ZNF383: variants seen among roughly 807,000 people sequenced by gnomAD.
ZNF383 encodes the protein zinc finger protein 383.
A neutral mutation model predicts 44.2 loss-of-function variants in ZNF383; 32 were observed. That is an observed-to-expected ratio of 0.72 (90% CI 0.55 to 0.97). The LOEUF is 0.97. Ranked by LOEUF, ZNF383 falls within the 50% of genes least tolerant of loss-of-function variation. ZNF383 has a pLI of 0.00. For synonymous variants in ZNF383, 155 were observed against 186.2 expected (o/e 0.83, Z 1.36); for missense variants, 487 against 562.5 (o/e 0.87, Z 1.36).
At chr19:37,228,543 A>T (rs1973295875) in intron 2 of ZNF383, among the ~76,000 whole-genome samples, 1 of 151,952 alleles carries the variant, frequency 6.6e-6, no homozygotes, top group African/African-American at 2.4e-5. Context: ...TGCCGCCCAG[A>T]GTATGCAATA....
intron 2 of ZNF383, among the ~76,000 whole-genome samples, chr19:37,228,122 G>A (rs1455825193): frequency 6.6e-6 from 1 of 152,132 alleles, no homozygotes; most frequent in Non-Finnish European, 1.5e-5. Context: ...GTTAAGTAAC[G>A]GGTGCCTTCC....
chr19:37,242,880 G>A lies in ZNF383; in HGVS notation c.644G>A (p.Arg215Gln), dbSNP rs751517031. ...TTTAGTTGTGGTTCACATGTTACTC[G>A]GCATCTGAAAATTCATACTGGCGAA... ...KFFSCGSHVT[R>Q]HLKIHTGEKP... is the part of the protein sequence containing the mutation. Residue 215 changes from arginine to glutamine, a missense_variant, in exon 6 of 6, where the codon CGG becomes CAG. By Grantham distance (43) the Arg-to-Gln change is conservative. Transcript: ENST00000684119. 7 of 1,613,738 alleles carry A rather than the reference G, an allele frequency of 4.3e-6. No individual in the cohort carries two copies. In the South Asian group the frequency reaches 4.4e-5, roughly 10 times the overall value.
chr19:37,221,461 T>C (rs928934395), intron 1 of ZNF383, among the ~76,000 whole-genome samples: 1 of 152,028 alleles, frequency 6.6e-6, no homozygotes, highest in Admixed American at 6.6e-5. Context: ...ATGCTGCTAT[T>C]GTCCCAGGTA....
chr19:37,234,450 G>A (rs1280632807), intron 3 of ZNF383, among the ~76,000 whole-genome samples: 4 of 151,998 alleles, frequency 2.6e-5, no homozygotes, highest in Admixed American at 1.3e-4. Context: ...GTGCAGTGGC[G>A]CGATCTCGGC....
chr19:37,242,652 G>A lies in ZNF383; in HGVS notation c.416G>A (p.Ser139Asn). The change falls in exon 6 of 6, where the codon AGT becomes AAT. Residue 139 changes from serine to asparagine, a missense_variant. Transcript: ENST00000684119. ...KQLGYPNGHF[S>N]QEIFTPEYMP... The stretch of plus-strand genomic sequence containing the variant: ...CTGGGATATCCAAATGGGCATTTTA[G>A]TCAAGAAATATTCACTCCTGAATAC... 1 of 1,614,068 alleles carries A rather than the reference G, an allele frequency of 6.2e-7. No homozygotes were observed. The highest frequency in any genetic ancestry group is 8.5e-7 in the Non-Finnish European group (1 of 1,179,986).
In ZNF383 at chr19:37,242,983, C is replaced by A; in HGVS notation, c.747C>A (p.Thr249=). 13 of 1,613,604 alleles carry A rather than the reference C, an allele frequency of 8.1e-6. No individual in the cohort carries two copies. Among genetic ancestry groups the A allele is most frequent in the African/African-American group, 2.7e-5 (2 of 74,894 alleles). The stretch of plus-strand genomic sequence containing the variant: ...TTTCTCAACATCAGAGAATCCATAC[C>A]GGTAAGAAACCCTATGAATGTAAGG... ...SYLSQHQRIH[T]GKKPYECKEC... is the part of the protein sequence containing the mutation. Residue 249 remains threonine (T), a synonymous_variant, in exon 6 of 6, where the codon ACC becomes ACA. Coordinates refer to ENST00000684119, the MANE Select transcript of ZNF383 (RefSeq NM_001387601.1).
At chr19:37,221,277 T>G (rs958095586) in intron 1 of ZNF383, among the ~76,000 whole-genome samples, 1 of 152,200 alleles carries the variant, frequency 6.6e-6, no homozygotes, top group African/African-American at 2.4e-5. Flanking sequence ...TCATGTTGTT[T>G]TAAAAGTATA....
intron 2 of ZNF383, among the ~76,000 whole-genome samples, chr19:37,227,043 G>C (rs993548055): frequency 2.7e-5 from 4 of 150,680 alleles, no homozygotes; most frequent in African/African-American, 9.8e-5. Context: ...TGTTGACCTC[G>C]TGATCTGCCC....
chr19:37,226,878 G>A (rs1213130353), intron 2 of ZNF383, among the ~76,000 whole-genome samples: 2 of 152,038 alleles, frequency 1.3e-5, no homozygotes, highest in East Asian at 3.8e-4. Flanking sequence ...GAATGCAGTG[G>A]TACGATCTCA....
At chr19:37,235,750 G>A in intron 4 of ZNF383, 75 bp downstream of exon 4, 1 of 1,481,466 alleles carries the variant, frequency 6.8e-7, no homozygotes, top group Non-Finnish European at 9.1e-7. Context: ...TTTCTCAGCT[G>A]CTTTTCAGGT....
Position 37,247,732 on chromosome 19 carries a change from A to G in ZNF383, c.*4068A>G, listed in dbSNP as rs1385580346. 1 of 152,188 alleles carries G rather than the reference A, an allele frequency of 6.6e-6. No homozygotes were observed. Among genetic ancestry groups the G allele is most frequent in the Non-Finnish European group, 1.5e-5 (1 of 68,038 alleles). The allele number at this position is 152,188 out of a possible 1,614,324, so 9.4% of individuals were successfully genotyped here. The stretch of plus-strand genomic sequence containing the variant: ...TTGGTATTATAGACATTTTTATAAT[A>G]TATCTGAAAATCTGGAAAAAGTCTG... On this transcript the variant is annotated 3_prime_UTR_variant, in exon 6 of 6. Transcript: ENST00000684119.
intron 5 of ZNF383, among the ~76,000 whole-genome samples, chr19:37,241,272 G>T (rs1274846850): frequency 6.6e-6 from 1 of 152,120 alleles, no homozygotes; most frequent in African/African-American, 2.4e-5. Flanking sequence ...AGTCTTGGGA[G>T]TCCCCCGGCT....
chr19:37,243,077 C>A lies in ZNF383; in HGVS notation c.841C>A (p.Pro281Thr), dbSNP rs751919192. The change falls in exon 6 of 6, where the codon CCT (proline) becomes ACT (threonine). Residue 281 changes from proline to threonine, a missense_variant. Transcript: ENST00000684119. ...TCAGCGAATTCACACTGGTGAAAAACCTTATGAATGTAAAGTATGTGGGAA... is the reference window on the plus strand; with the variant it reads ...TCAGCGAATTCACACTGGTGAAAAAACTTATGAATGTAAAGTATGTGGGAA... ...DHQRIHTGEK[P>T]YECKVCGKAF... is the part of the protein sequence containing the mutation. The A allele has an allele frequency of 4.3e-6, 7 of 1,613,974 alleles. No individual in the cohort carries two copies. Among genetic ancestry groups the A allele is most frequent in the Non-Finnish European group, 5.9e-6 (7 of 1,179,992 alleles).
At chr19:37,225,158 C>T (rs748064660) in intron 2 of ZNF383, 93 of 151,138 alleles carry the variant, frequency 6.2e-4, no homozygotes, top group Non-Finnish European at 8.2e-4. Context: ...TGCAATGGTG[C>T]GATCTTGGCT....
chr19:37,229,630 GTGTA>G (rs944741921), intron 2 of ZNF383, among the ~76,000 whole-genome samples: 6 of 143,626 alleles, frequency 4.2e-5, no homozygotes, highest in African/African-American at 1.6e-4. Context: ...GTGTGTGTGT[GTGTA>G]TATATATATA....
intron 5 of ZNF383, among the ~76,000 whole-genome samples, chr19:37,237,958 G>A (rs1267517044): frequency 6.6e-6 from 1 of 151,842 alleles, no homozygotes; most frequent in Non-Finnish European, 1.5e-5. Context: ...AACCTCCCGG[G>A]CTCAGGTGAT....
intron 3 of ZNF383, 34 bp from the exon 4 acceptor site, chr19:37,235,515 A>G: frequency 1.9e-6 from 3 of 1,612,398 alleles, no homozygotes; most frequent in Non-Finnish European, 2.5e-6. Flanking sequence ...CATTTTTTTA[A>G]TTACACAAGT....
intron 1 of ZNF383, among the ~76,000 whole-genome samples, chr19:37,222,336 A>G (rs2145474628): frequency 6.6e-6 from 1 of 152,284 alleles, no homozygotes; most frequent in South Asian, 2.1e-4. Flanking sequence ...AATATAGTGA[A>G]CACATTATTA....
In ZNF383 at chr19:37,245,066, G is replaced by A. The variant is rs549418696; in HGVS notation, c.*1402G>A. 2 of 152,170 alleles carry A rather than the reference G, an allele frequency of 1.3e-5. No individual in the cohort carries two copies. The highest frequency in any genetic ancestry group is 2.4e-5 in the African/African-American group (1 of 41,434). 9.4% of individuals were successfully genotyped at this position (152,170 alleles called of 1,614,324 possible). On this transcript the variant is annotated 3_prime_UTR_variant, in exon 6 of 6. Transcript: ENST00000684119. ...CCAGCACTTTGGGAGGCCGAGGTGG[G>A]CGGATCACAAGGTCTGAAGATTAAG...
Sources: allele counts gnomAD v4.1 joint callset (sites outside exome capture counted in the v4.1 genomes callset), GRCh38; gene constraint gnomAD v4.1.1; transcripts MANE v1.5; gene names NCBI Gene and HGNC (gene_info 2026-07-23, HGNC 2026-07-21).